The following GRID2 variants were observed in gnomAD, a reference collection of about 807,000 sequenced individuals.
GRID2 encodes glutamate ionotropic receptor delta type subunit 2, also known as glutamate receptor ionotropic, delta-2.
GRID2 carries 33 observed loss-of-function variants against 114.8 expected under a neutral mutation model. The ratio of observed to expected loss-of-function variants is 0.29; its 90% CI spans 0.22 to 0.38. The LOEUF (loss-of-function observed/expected upper bound fraction) is 0.38, where lower values mean the gene tolerates loss of function less well. Ranked by LOEUF, GRID2 falls within the 10% of genes least tolerant of loss-of-function variation. The pLI is 1.00. For synonymous variants in GRID2, 505 were observed against 449.9 expected (o/e 1.12, Z -1.55); for missense variants, 1,184 against 1,257.7 (o/e 0.94, Z 0.89).
At chr4:93,089,791 A>C (rs1163792495) in intron 3 of GRID2, among the ~76,000 whole-genome samples, 1 of 152,130 alleles carries the variant, frequency 6.6e-6, no homozygotes, top group Non-Finnish European at 1.5e-5. Flanking sequence ...TGCTGGTGGA[A>C]AATACTAGGC....
At chr4:92,996,762 G>A (rs1489771660) in intron 2 of GRID2, among the ~76,000 whole-genome samples, 8 of 152,106 alleles carry the variant, frequency 5.3e-5, no homozygotes, top group Non-Finnish European at 8.8e-5. Context: ...TCTGGCACCC[G>A]TTGGAGCAGG....
At chr4:93,275,051 C>G (rs1751896512) in intron 8 of GRID2, among the ~76,000 whole-genome samples, 1 of 151,816 alleles carries the variant, frequency 6.6e-6, no homozygotes. Flanking sequence ...ACTGTACATC[C>G]AATAGTAGTC....
At chr4:92,496,192 A>G (rs533245061) in intron 1 of GRID2, among the ~76,000 whole-genome samples, 41 of 152,002 alleles carry the variant, frequency 2.7e-4, no homozygotes, top group Middle Eastern at 3.4e-3. Flanking sequence ...TAAAAAACTG[A>G]TATTTATCCT....
At chr4:92,650,863 A>G (rs999007614) in intron 2 of GRID2, among the ~76,000 whole-genome samples, 1 of 151,964 alleles carries the variant, frequency 6.6e-6, no homozygotes, top group Admixed American at 6.6e-5. Flanking sequence ...CAGAGCCTAT[A>G]CAGTCTTCTG....
At chr4:92,741,977 GATA>G (rs1032479491) in intron 2 of GRID2, among the ~76,000 whole-genome samples, 1 of 152,108 alleles carries the variant, frequency 6.6e-6, no homozygotes, top group Non-Finnish European at 1.5e-5. Context: ...TGTGTGTACA[GATA>G]ATATTTCACT....
chr4:93,042,671 C>CTA (rs1306358359), intron 2 of GRID2, among the ~76,000 whole-genome samples: 3 of 140,806 alleles, frequency 2.1e-5, no homozygotes, highest in Non-Finnish European at 4.6e-5. Flanking sequence ...ATCTCTCTCT[C>CTA]TATATATCTA....
At chr4:92,729,189 T>C (rs1736210053) in intron 2 of GRID2, among the ~76,000 whole-genome samples, 1 of 151,994 alleles carries the variant, frequency 6.6e-6, no homozygotes, top group Non-Finnish European at 1.5e-5. Flanking sequence ...CTATATTTTT[T>C]TGACCTCCAG....
intron 1 of GRID2, among the ~76,000 whole-genome samples, chr4:92,507,429 G>A (rs1724033688): frequency 6.6e-6 from 1 of 151,634 alleles, no homozygotes; most frequent in Non-Finnish European, 1.5e-5. Context: ...GTGTGTGTGT[G>A]TGTGTGTGTG....
chr4:93,221,463 A>G (rs900146781), intron 6 of GRID2, among the ~76,000 whole-genome samples: 11 of 152,116 alleles, frequency 7.2e-5, no homozygotes, highest in Admixed American at 4.6e-4. Flanking sequence ...GTCATATGTG[A>G]CATACTGGAG....
intron 1 of GRID2, among the ~76,000 whole-genome samples, chr4:92,421,951 A>T (rs547159365): frequency 6.6e-6 from 1 of 152,264 alleles, no homozygotes; most frequent in Admixed American, 6.5e-5. Flanking sequence ...TAGAGTCAGA[A>T]AATAATAAAT....
chr4:93,430,622 C>G (rs1459703489), intron 10 of GRID2, among the ~76,000 whole-genome samples: 2 of 152,254 alleles, frequency 1.3e-5, no homozygotes, highest in Non-Finnish European at 2.9e-5. Flanking sequence ...GTGCTATGCA[C>G]TGTGCTAGGC....
intron 2 of GRID2, among the ~76,000 whole-genome samples, chr4:92,775,649 G>T (rs1383341621): frequency 1.3e-5 from 2 of 152,036 alleles, no homozygotes; most frequent in East Asian, 3.9e-4. Flanking sequence ...ACATTAGCTG[G>T]CATACAGCTT....
intron 14 of GRID2, among the ~76,000 whole-genome samples, chr4:93,736,104 T>A (rs1730907450): frequency 6.6e-6 from 1 of 152,054 alleles, no homozygotes; most frequent in Admixed American, 6.6e-5. Context: ...GTCTGTCTAC[T>A]GGAAAATTCT....
intron 8 of GRID2, 127 bp downstream of exon 8, chr4:93,238,617 TGA>T: frequency 1.8e-5 from 10 of 560,898 alleles, no homozygotes; most frequent in East Asian, 7.9e-5. Flanking sequence ...AAGCAGGGGG[TGA>T]GGGGAAATTA....
intron 1 of GRID2, among the ~76,000 whole-genome samples, chr4:92,503,548 C>T (rs1723796484): frequency 6.6e-6 from 1 of 152,080 alleles, no homozygotes; most frequent in Non-Finnish European, 1.5e-5. Flanking sequence ...TAATGTATCA[C>T]TAAATTGTTT....
intron 8 of GRID2, among the ~76,000 whole-genome samples, chr4:93,358,390 T>C (rs1269276264): frequency 6.6e-6 from 1 of 151,954 alleles, no homozygotes; most frequent in East Asian, 1.9e-4. Flanking sequence ...ATTGTACTTC[T>C]GTTTTTAAGT....
intron 2 of GRID2, among the ~76,000 whole-genome samples, chr4:92,916,992 G>A (rs1313326459): frequency 1.3e-5 from 2 of 152,086 alleles, no homozygotes; most frequent in Non-Finnish European, 2.9e-5. Context: ...GTGTAAAAGT[G>A]TTCCTATTTC....
rs557008150 is a variant in GRID2, at chr4:92,847,338, CA to C, written c.245-237654del. 2.2e-4 allele frequency among the ~76,000 whole-genome samples: 33 copies of C among 152,128 alleles called. No individual in the cohort carries two copies. In the South Asian group the frequency reaches 2.7e-3, roughly 12 times the overall value. ...CATTTTCCCATGGCTCAGTCTTTCA[CA>C]AATACTCTAAGAATGGCAGATCTCT... On this transcript the variant is annotated intron_variant, in intron 2 of 15. Coordinates refer to ENST00000282020, the MANE Select transcript of GRID2 (RefSeq NM_001510.4).
At chr4:92,540,020 AATCT>A (rs2149161477) in intron 1 of GRID2, among the ~76,000 whole-genome samples, 1 of 152,274 alleles carries the variant, frequency 6.6e-6, no homozygotes, top group Non-Finnish European at 1.5e-5. Context: ...ATCTTTGACA[AATCT>A]GACAAAAACA....
Sources: allele counts gnomAD v4.1 joint callset (sites outside exome capture counted in the v4.1 genomes callset), GRCh38; gene constraint gnomAD v4.1.1; transcripts MANE v1.5; gene names NCBI Gene and HGNC (gene_info 2026-07-23, HGNC 2026-07-21).